KCNMA1: variants seen among roughly 807,000 people sequenced by gnomAD.
KCNMA1 encodes the protein Calcium-activated potassium channel subunit alpha-1.
In KCNMA1, 29 loss-of-function variants were observed where a neutral mutation model predicts 140.0. That is an observed-to-expected ratio of 0.21 (90% CI 0.15 to 0.28). KCNMA1 has a LOEUF of 0.28. Among genes scored for constraint, KCNMA1 ranks in the 10% least tolerant of loss-of-function variants. KCNMA1 has a pLI of 1.00. For synonymous variants in KCNMA1, 612 were observed against 611.9 expected (o/e 1.00, Z 0.00); for missense variants, 880 against 1,602.2 (o/e 0.55, Z 7.70).
chr10:77,592,841 C>A (rs1478991976), intron 1 of KCNMA1, among the ~76,000 whole-genome samples: 2 of 152,174 alleles, frequency 1.3e-5, no homozygotes, highest in Non-Finnish European at 2.9e-5. Context: ...TGCAGCTGTG[C>A]CCACTGAGTG....
chr10:77,333,014 G>C (rs963059577), intron 2 of KCNMA1, among the ~76,000 whole-genome samples: 6 of 152,174 alleles, frequency 3.9e-5, no homozygotes, highest in African/African-American at 1.4e-4. Flanking sequence ...TCCAACACAT[G>C]CAACAGCTAT....
At chr10:76,949,407 G>T in intron 21 of KCNMA1, 41 bp from the exon 22 acceptor site, 2 of 1,476,288 alleles carry the variant, frequency 1.4e-6, no homozygotes, top group South Asian at 1.1e-5. Flanking sequence ...AGAGAAGACT[G>T]CATAGGGCTG....
chr10:77,002,560 T>C (rs1451092728), intron 18 of KCNMA1, among the ~76,000 whole-genome samples: 1 of 152,230 alleles, frequency 6.6e-6, no homozygotes, highest in Middle Eastern at 3.2e-3. Context: ...GTGAAATATC[T>C]TAATGCAATT....
chr10:76,914,083 G>A (rs1318396786), intron 24 of KCNMA1: 9 of 1,550,336 alleles, frequency 5.8e-6, no homozygotes, highest in Admixed American at 3.9e-5. Flanking sequence ...TAGAATGTGC[G>A]TCCCACTGTT....
intron 5 of KCNMA1, among the ~76,000 whole-genome samples, chr10:77,171,408 T>C (rs528227934): frequency 0.023 from 1,209 of 52,246 alleles, 16 homozygotes; most frequent in African/African-American, 0.068. Flanking sequence ...TGCGTGTGTG[T>C]GTGTGTGTGT....
chr10:77,041,753 G>A (rs1259620077), intron 14 of KCNMA1, among the ~76,000 whole-genome samples: 1 of 152,184 alleles, frequency 6.6e-6, no homozygotes, highest in South Asian at 2.1e-4. Flanking sequence ...TCCAGTGGGG[G>A]CATGGGTAAG....
chr10:77,324,135 C>T (rs1046486882), intron 2 of KCNMA1, among the ~76,000 whole-genome samples: 3 of 152,284 alleles, frequency 2.0e-5, no homozygotes, highest in Admixed American at 2.0e-4. Flanking sequence ...CCACTGTGGG[C>T]TACTGGAGTA....
intron 3 of KCNMA1, among the ~76,000 whole-genome samples, chr10:77,216,630 A>T (rs1329928864): frequency 6.6e-6 from 1 of 152,252 alleles, no homozygotes; most frequent in African/African-American, 2.4e-5. Flanking sequence ...AATTAGTAAA[A>T]TACAGTACAC....
intron 15 of KCNMA1, among the ~76,000 whole-genome samples, chr10:77,036,201 A>T (rs554458811): frequency 6.6e-6 from 1 of 152,300 alleles, no homozygotes; most frequent in East Asian, 1.9e-4. Context: ...TACACCAGTG[A>T]TTTGCCAGGG....
chr10:77,284,210 A>T (rs1342214609), intron 2 of KCNMA1, among the ~76,000 whole-genome samples: 1 of 152,180 alleles, frequency 6.6e-6, no homozygotes, highest in Admixed American at 6.5e-5. Flanking sequence ...AGGCATGACC[A>T]GAAGAAGAGA....
At chr10:77,294,492 G>C (rs2074320968) in intron 2 of KCNMA1, among the ~76,000 whole-genome samples, 1 of 152,204 alleles carries the variant, frequency 6.6e-6, no homozygotes, top group Admixed American at 6.5e-5. Flanking sequence ...TATTTAAGGT[G>C]CACATAACCT....
chr10:77,406,642 T>G (rs1012004375), intron 1 of KCNMA1, among the ~76,000 whole-genome samples: 2 of 152,064 alleles, frequency 1.3e-5, no homozygotes, highest in Admixed American at 6.5e-5. Context: ...ACTGCTGAAA[T>G]GAGACATGGA....
intron 1 of KCNMA1, among the ~76,000 whole-genome samples, chr10:77,560,711 T>C (rs2154558777): frequency 6.6e-6 from 1 of 152,326 alleles, no homozygotes; most frequent in Non-Finnish European, 1.5e-5. Flanking sequence ...CTAGATCTCC[T>C]GAGGCTGACC....
chr10:77,380,334 C>A (rs191461610), intron 2 of KCNMA1, among the ~76,000 whole-genome samples: 4 of 152,134 alleles, frequency 2.6e-5, no homozygotes, highest in African/African-American at 4.8e-5. Context: ...CCGCATGAGT[C>A]GTCTTTAGGA....
chr10:77,567,203 C>T (rs2068652124), intron 1 of KCNMA1, among the ~76,000 whole-genome samples: 1 of 152,216 alleles, frequency 6.6e-6, no homozygotes, highest in South Asian at 2.1e-4. Context: ...TCAGATTTCC[C>T]AAGGCGGGGG....
intron 2 of KCNMA1, among the ~76,000 whole-genome samples, chr10:77,345,511 C>A (rs1442400748): frequency 6.6e-6 from 1 of 152,148 alleles, no homozygotes; most frequent in Non-Finnish European, 1.5e-5. Flanking sequence ...GAAACTGAAT[C>A]CCAGAGAGAT....
intron 2 of KCNMA1, among the ~76,000 whole-genome samples, chr10:77,329,764 C>T (rs2085631371): frequency 6.6e-6 from 1 of 152,204 alleles, no homozygotes; most frequent in Non-Finnish European, 1.5e-5. Context: ...AGATTTCAAT[C>T]CTAACCTCTG....
intron 15 of KCNMA1, among the ~76,000 whole-genome samples, chr10:77,034,430 G>T (rs2094175765): frequency 6.6e-6 from 1 of 152,128 alleles, no homozygotes; most frequent in South Asian, 2.1e-4. Context: ...AGTTAAACTA[G>T]CTACAGTTTT....
chr10:77,586,664 T>G (rs2077357204), intron 1 of KCNMA1, among the ~76,000 whole-genome samples: 1 of 152,246 alleles, frequency 6.6e-6, no homozygotes, highest in Non-Finnish European at 1.5e-5. Flanking sequence ...AAAGAAGTTC[T>G]AAAATCTTTA....
Sources: allele counts gnomAD v4.1 joint callset (sites outside exome capture counted in the v4.1 genomes callset), GRCh38; gene constraint gnomAD v4.1.1; transcripts MANE v1.5; gene names NCBI Gene and HGNC (gene_info 2026-07-23, HGNC 2026-07-21).